Variants in KHDRBS2 observed in about 807,000 individuals in gnomAD.
KHDRBS2 encodes the protein KH domain-containing, RNA-binding, signal transduction-associated protein 2.
KHDRBS2 carries 26 observed loss-of-function variants against 44.3 expected under a neutral mutation model. The ratio of observed to expected loss-of-function variants is 0.59; its 90% CI spans 0.43 to 0.81. KHDRBS2 has a LOEUF of 0.81. KHDRBS2 is among the 40% of genes least tolerant of loss of function. KHDRBS2 has a pLI of 0.00. For synonymous variants in KHDRBS2, 194 were observed against 151.1 expected (o/e 1.28, Z -2.08); for missense variants, 476 against 433.1 (o/e 1.10, Z -0.88).
chr6:61,991,489 C>T (rs1390482010), intron 3 of KHDRBS2, among the ~76,000 whole-genome samples: 2 of 152,040 alleles, frequency 1.3e-5, no homozygotes, highest in African/African-American at 4.8e-5. Context: ...TGAAAAGAAA[C>T]CTACGAAACC....
chr6:62,172,924 A>G (rs1432109529), intron 2 of KHDRBS2, among the ~76,000 whole-genome samples: 1 of 150,370 alleles, frequency 6.7e-6, no homozygotes. Context: ...AGTCACTGGG[A>G]CACAACTAAA....
At chr6:62,058,660 G>A (rs773292839) in intron 2 of KHDRBS2, among the ~76,000 whole-genome samples, 3 of 151,814 alleles carry the variant, frequency 2.0e-5, no homozygotes, top group Non-Finnish European at 1.5e-5. Context: ...ACATTGGTGA[G>A]CAAGAGAATA....
intron 2 of KHDRBS2, among the ~76,000 whole-genome samples, chr6:62,154,309 C>A (rs763080113): frequency 5.9e-5 from 9 of 152,142 alleles, no homozygotes; most frequent in East Asian, 1.9e-4. Flanking sequence ...TCCCTAATTT[C>A]TTTTGCCTTA....
At chr6:62,058,879 T>C (rs1163826838) in intron 2 of KHDRBS2, among the ~76,000 whole-genome samples, 1 of 151,868 alleles carries the variant, frequency 6.6e-6, no homozygotes, top group Non-Finnish European at 1.5e-5. Flanking sequence ...AATATCAATA[T>C]ATTACCACAA....
the KHDRBS2 span, among the ~76,000 whole-genome samples, chr6:61,552,874 T>C: frequency 6.6e-6 from 1 of 152,208 alleles, no homozygotes; most frequent in Non-Finnish European, 1.5e-5. Context: ...GATTAGCTTT[T>C]TGATGTGCTG....
chr6:61,966,488 T>C (rs903217959), intron 4 of KHDRBS2, among the ~76,000 whole-genome samples: 7 of 152,026 alleles, frequency 4.6e-5, no homozygotes, highest in African/African-American at 1.4e-4. Flanking sequence ...CCAGGGGACA[T>C]GATAATTTGC....
At chr6:62,089,173 C>A (rs1333303599) in intron 2 of KHDRBS2, among the ~76,000 whole-genome samples, 1 of 151,818 alleles carries the variant, frequency 6.6e-6, no homozygotes, top group African/African-American at 2.4e-5. Context: ...GGGGTGGGAT[C>A]CCCTGAGCTA....
At chr6:62,034,293 CAG>C (rs1784861919) in intron 3 of KHDRBS2, among the ~76,000 whole-genome samples, 3 of 151,762 alleles carry the variant, frequency 2.0e-5, no homozygotes, top group African/African-American at 4.8e-5. Context: ...TTCCAACAAA[CAG>C]AGGAGAAACG....
At chr6:61,590,919 T>C in the KHDRBS2 span, among the ~76,000 whole-genome samples, 2 of 152,190 alleles carry the variant, frequency 1.3e-5, no homozygotes. Context: ...TAGAGGAACA[T>C]GAGACAAAAT....
intron 4 of KHDRBS2, among the ~76,000 whole-genome samples, chr6:61,928,210 T>A (rs1185394853): frequency 2.0e-5 from 3 of 152,158 alleles, no homozygotes; most frequent in Non-Finnish European, 4.4e-5. Context: ...CCTATTCAAA[T>A]GCAGCATATA....
chr6:61,639,653 C>T, the KHDRBS2 span, among the ~76,000 whole-genome samples: 9 of 151,962 alleles, frequency 5.9e-5, no homozygotes, highest in Non-Finnish European at 1.2e-4. Context: ...TTTTCCTTTT[C>T]CTCAGATGGT....
chr6:61,618,673 T>C, the KHDRBS2 span, among the ~76,000 whole-genome samples: 1 of 152,186 alleles, frequency 6.6e-6, no homozygotes. Context: ...TTTCCGTCTG[T>C]ACATGTGTTC....
chr6:62,102,136 T>C (rs1221715226), intron 2 of KHDRBS2, among the ~76,000 whole-genome samples: 1 of 152,238 alleles, frequency 6.6e-6, no homozygotes, highest in African/African-American at 2.4e-5. Flanking sequence ...AACTATATTC[T>C]AATGGTAATT....
chr6:61,948,274 TC>T (rs1764009558), intron 4 of KHDRBS2, among the ~76,000 whole-genome samples: 1 of 152,162 alleles, frequency 6.6e-6, no homozygotes, highest in African/African-American at 2.4e-5. Context: ...GTCTAACTTT[TC>T]ATTTGCTTTA....
chr6:62,045,940 C>G (rs1328495892), intron 3 of KHDRBS2, among the ~76,000 whole-genome samples: 1 of 72,260 alleles, frequency 1.4e-5, no homozygotes, highest in Admixed American at 1.9e-4. Flanking sequence ...CAAAAGCAAG[C>G]AAGTGGAACA....
intron 3 of KHDRBS2, among the ~76,000 whole-genome samples, chr6:62,045,918 G>GT (rs1171647514): frequency 8.5e-5 from 11 of 129,056 alleles, no homozygotes; most frequent in Non-Finnish European, 1.6e-5. Flanking sequence ...AGAAAGTTAA[G>GT]ACCTTATCAT....
chr6:61,557,233 T>A, the KHDRBS2 span, among the ~76,000 whole-genome samples: 3 of 152,268 alleles, frequency 2.0e-5, no homozygotes, highest in African/African-American at 7.2e-5. Context: ...TATACTTTTT[T>A]ATAGTATTTT....
At chr6:61,856,570 G>T (rs9445511) in intron 6 of KHDRBS2, among the ~76,000 whole-genome samples, 49,793 of 151,306 alleles carry the variant, frequency 0.33, 8,543 homozygotes, top group African/African-American at 0.43. Context: ...TCTAAAAAAA[G>T]AATTGTGAAG....
At chr6:62,281,080 T>C (rs995491021) in intron 1 of KHDRBS2, among the ~76,000 whole-genome samples, 4 of 152,122 alleles carry the variant, frequency 2.6e-5, no homozygotes, top group Non-Finnish European at 5.9e-5. Context: ...TTGAAATAAA[T>C]AGGACCAGGG....
Sources: allele counts gnomAD v4.1 joint callset (sites outside exome capture counted in the v4.1 genomes callset), GRCh38; gene constraint gnomAD v4.1.1; transcripts MANE v1.5; gene names NCBI Gene and HGNC (gene_info 2026-07-23, HGNC 2026-07-21).